The following ABI1 variants were observed in gnomAD, a reference collection of about 807,000 sequenced individuals.
The protein encoded by ABI1 is Abelson interactor 1.
In ABI1, 14 loss-of-function variants were observed where a neutral mutation model predicts 54.6. The ratio of observed to expected loss-of-function variants is 0.26; its 90% confidence interval spans 0.17 to 0.40. ABI1 has a LOEUF of 0.40. Among genes scored for constraint, ABI1 ranks in the 10% least tolerant of loss-of-function variants. The pLI, the probability that ABI1 is intolerant of heterozygous loss-of-function variation, is 1.00. For synonymous variants in ABI1, 194 were observed against 209.3 expected (o/e 0.93, Z 0.63); for missense variants, 443 against 598.3 (o/e 0.74, Z 2.71).
intron 3 of ABI1, among the ~76,000 whole-genome samples, chr10:26,773,672 C>CATTCT (rs1588832757): frequency 1.3e-5 from 2 of 152,284 alleles, no homozygotes; most frequent in East Asian, 3.9e-4. Context: ...ACGGCTCCAG[C>CATTCT]ATTCTGGGTT....
chr10:26,824,918 G>A (rs1273614584), intron 1 of ABI1, among the ~76,000 whole-genome samples: 2 of 152,252 alleles, frequency 1.3e-5, no homozygotes, highest in South Asian at 2.1e-4. Flanking sequence ...TTAAATGTGC[G>A]ATAGTACTAT....
At chr10:26,842,309 C>A (rs2049579684) in intron 1 of ABI1, among the ~76,000 whole-genome samples, 1 of 152,218 alleles carries the variant, frequency 6.6e-6, no homozygotes, top group African/African-American at 2.4e-5. Context: ...ATGAGTTCTT[C>A]ATGAATTTTA....
intron 2 of ABI1, among the ~76,000 whole-genome samples, chr10:26,811,446 C>T (rs1163498081): frequency 6.6e-6 from 1 of 152,208 alleles, no homozygotes; most frequent in East Asian, 1.9e-4. Context: ...TAAAAGGTGT[C>T]CTCCTTCCAA....
chr10:26,766,428 C>A (rs1484351493), intron 6 of ABI1, among the ~76,000 whole-genome samples: 6 of 152,168 alleles, frequency 3.9e-5, no homozygotes, highest in African/African-American at 1.4e-4. Context: ...TTAAAATCTA[C>A]ATAATTTGCT....
intron 2 of ABI1, among the ~76,000 whole-genome samples, chr10:26,789,798 A>T (rs1160929574): frequency 1.3e-5 from 2 of 152,154 alleles, no homozygotes. Context: ...ACCCTCCAGT[A>T]GGCCCCAGTG....
At chr10:26,831,066 C>G (rs1241261355) in intron 1 of ABI1, among the ~76,000 whole-genome samples, 1 of 152,080 alleles carries the variant, frequency 6.6e-6, no homozygotes, top group Non-Finnish European at 1.5e-5. Context: ...ACTTAGATAA[C>G]AAAACAAGGG....
chr10:26,848,537 G>A (rs1269578333), intron 1 of ABI1, among the ~76,000 whole-genome samples: 1 of 150,194 alleles, frequency 6.7e-6, no homozygotes, highest in Non-Finnish European at 1.5e-5. Context: ...AAGGTGAATT[G>A]TACAGAGCAG....
chr10:26,817,581 G>A (rs1236817229), intron 2 of ABI1, among the ~76,000 whole-genome samples: 1 of 152,120 alleles, frequency 6.6e-6, no homozygotes, highest in Admixed American at 6.6e-5. Context: ...GTGCTTAACA[G>A]GTACATTGTT....
At chr10:26,834,605 A>T (rs981698687) in intron 1 of ABI1, among the ~76,000 whole-genome samples, 8 of 151,608 alleles carry the variant, frequency 5.3e-5, no homozygotes, top group Non-Finnish European at 1.2e-4. Flanking sequence ...AAAAGAAGAC[A>T]TACGAATGGC....
At chr10:26,819,606 C>G (rs1162389458) in intron 2 of ABI1, among the ~76,000 whole-genome samples, 2 of 152,140 alleles carry the variant, frequency 1.3e-5, no homozygotes, top group Non-Finnish European at 2.9e-5. Context: ...TTCCACCTGA[C>G]CAGAGAAAAA....
At chr10:26,820,195 C>T (rs1018226751) in intron 2 of ABI1, among the ~76,000 whole-genome samples, 1 of 152,094 alleles carries the variant, frequency 6.6e-6, no homozygotes. Flanking sequence ...TCTCGCCACA[C>T]ACAAAAAAAG....
chr10:26,761,478 A>T (rs1403165255), intron 7 of ABI1, among the ~76,000 whole-genome samples: 1 of 151,090 alleles, frequency 6.6e-6, no homozygotes, highest in Non-Finnish European at 1.5e-5. Context: ...ATGTGTGTAT[A>T]AAAAAATTTA....
intron 2 of ABI1, among the ~76,000 whole-genome samples, chr10:26,811,753 GCAAAGATTTGTATAAATTTGTATAA>G (rs2047243657): frequency 1.9e-4 from 2 of 10,524 alleles, no homozygotes; most frequent in African/African-American, 3.1e-4. Flanking sequence ...ATAAATTTAT[GCAAAGATTTGTATAAATTTGTATAA>G]ATTTATGCAA....
intron 8 of ABI1, among the ~76,000 whole-genome samples, chr10:26,758,207 T>C (rs949913620): frequency 6.6e-6 from 1 of 152,138 alleles, no homozygotes; most frequent in Non-Finnish European, 1.5e-5. Flanking sequence ...TTAAGTGTTT[T>C]TATATAAACA....
intron 1 of ABI1, among the ~76,000 whole-genome samples, chr10:26,826,878 C>A (rs1428867111): frequency 6.6e-6 from 1 of 151,858 alleles, no homozygotes; most frequent in African/African-American, 2.4e-5. Flanking sequence ...CTGAATTAGG[C>A]TTTGGCTTAA....
intron 8 of ABI1, among the ~76,000 whole-genome samples, chr10:26,758,673 CTT>C (rs1423867371): frequency 6.6e-6 from 1 of 152,144 alleles, no homozygotes; most frequent in Non-Finnish European, 1.5e-5. Flanking sequence ...TGAAGGAAAA[CTT>C]TGACAATGTT....
intron 2 of ABI1, among the ~76,000 whole-genome samples, chr10:26,797,813 G>A (rs1469525924): frequency 2.0e-5 from 3 of 152,202 alleles, no homozygotes; most frequent in Non-Finnish European, 4.4e-5. Flanking sequence ...TTTCAAAGAT[G>A]AGATTCACTG....
At chr10:26,811,768 A>AATTTATGCAAAG (rs1394418594) in intron 2 of ABI1, among the ~76,000 whole-genome samples, 2 of 17,232 alleles carry the variant, frequency 1.2e-4, no homozygotes, top group Non-Finnish European at 1.9e-4. Flanking sequence ...GATTTGTATA[A>AATTTATGCAAAG]ATTTGTATAA....
chr10:26,820,434 T>C (rs1564539927), intron 2 of ABI1, among the ~76,000 whole-genome samples: 1 of 152,052 alleles, frequency 6.6e-6, no homozygotes, highest in African/African-American at 2.4e-5. Flanking sequence ...AGCAGAAATA[T>C]CCTTGCAAAA....
Sources: gnomAD v4.1 joint callset for allele counts (sites outside exome capture counted in the v4.1 genomes callset) on GRCh38, gnomAD v4.1.1 for gene constraint, MANE v1.5 for transcripts, NCBI Gene and HGNC (gene_info 2026-07-23, HGNC 2026-07-21) for gene names.